The following DTD1 variants were observed in gnomAD, a reference collection of about 807,000 sequenced individuals.
The protein encoded by DTD1 is D-aminoacyl-tRNA deacylase 1.
In DTD1, 13 loss-of-function variants were observed where a neutral mutation model predicts 25.6. That is an observed-to-expected ratio of 0.51 (90% confidence interval 0.33 to 0.81). DTD1 has a LOEUF of 0.81. Ranked by LOEUF, DTD1 falls within the 30% of genes least tolerant of loss-of-function variation. The pLI is 0.02. For missense variants in DTD1, 193 were observed against 266.4 expected (o/e 0.72, Z 1.92); for synonymous variants, 110 against 103.6 (o/e 1.06, Z -0.37).
chr20:18,677,760 G>A (rs756251031), intron 4 of DTD1, among the ~76,000 whole-genome samples: 4 of 152,146 alleles, frequency 2.6e-5, no homozygotes, highest in African/African-American at 4.8e-5. Flanking sequence ...ACTAGGTCCC[G>A]AATTCCCTCT....
intron 1 of DTD1, among the ~76,000 whole-genome samples, chr20:18,591,525 T>C (rs6045486): frequency 0.59 from 90,160 of 151,962 alleles, 27,075 homozygotes; most frequent in Middle Eastern, 0.66. Flanking sequence ...TTATATGCAA[T>C]GTTATTATAG....
At chr20:18,735,483 A>T (rs1250837182) in intron 4 of DTD1, among the ~76,000 whole-genome samples, 1 of 152,226 alleles carries the variant, frequency 6.6e-6, no homozygotes. Flanking sequence ...GCGGGCTCTT[A>T]TTTAACTGAC....
intron 4 of DTD1, among the ~76,000 whole-genome samples, chr20:18,648,011 GT>G (rs2060856598): frequency 6.6e-6 from 1 of 152,188 alleles, no homozygotes; most frequent in Non-Finnish European, 1.5e-5. Context: ...CTGAATCACT[GT>G]TGGCCCTGCA....
chr20:18,655,037 A>G (rs912472420), intron 4 of DTD1, among the ~76,000 whole-genome samples: 1 of 152,224 alleles, frequency 6.6e-6, no homozygotes, highest in Non-Finnish European at 1.5e-5. Context: ...GTAGTTTGGA[A>G]TAAAGTTATT....
chr20:18,741,561 G>A (rs1336313387), intron 4 of DTD1, among the ~76,000 whole-genome samples: 3 of 152,076 alleles, frequency 2.0e-5, no homozygotes, highest in Non-Finnish European at 2.9e-5. Context: ...GTTAACTAGT[G>A]TATTGAAGTT....
chr20:18,718,775 C>CTAT (rs2061191551), intron 4 of DTD1, among the ~76,000 whole-genome samples: 1 of 152,174 alleles, frequency 6.6e-6, no homozygotes, highest in African/African-American at 2.4e-5. Flanking sequence ...AAGACACCAG[C>CTAT]TATTAGTTAG....
intron 5 of DTD1, 21 bp from the exon 6 acceptor site, chr20:18,763,337 CGT>C (rs1290629294): frequency 2.6e-5 from 4 of 152,642 alleles, no homozygotes; most frequent in African/African-American, 7.2e-5. Context: ...TTCTTAATAA[CGT>C]GTCTTCTTTG....
intron 4 of DTD1, among the ~76,000 whole-genome samples, chr20:18,650,957 A>G (rs1028734013): frequency 1.3e-5 from 2 of 152,236 alleles, no homozygotes; most frequent in African/African-American, 4.8e-5. Flanking sequence ...ATGTGTTACA[A>G]CGCTCTAGTA....
intron 4 of DTD1, among the ~76,000 whole-genome samples, chr20:18,742,032 C>G (rs1244386776): frequency 6.6e-6 from 1 of 151,978 alleles, no homozygotes; most frequent in Non-Finnish European, 1.5e-5. Flanking sequence ...GCCACCACCT[C>G]TGACCAAGAC....
rs778107166 is a variant in DTD1, at chr20:18,751,493, CT to C, written c.*19+7235del. 9.1e-3 allele frequency among the ~76,000 whole-genome samples: 1,312 copies of C among 144,620 alleles called. 9 individuals carry two copies. Among genetic ancestry groups the C allele is most frequent in the Non-Finnish European group, 0.013 (868 of 65,464 alleles). The allele number at this position is 144,620 out of a possible 152,430, so 94.9% of individuals were successfully genotyped here. On this transcript the variant is annotated intron_variant, in intron 5 of 5. Transcript: ENST00000377452. ...TGTCACTATCATTAACTTAAATAGT[CT>C]TTTTTTTTTTTTGAGGTGGAGTCTC...
chr20:18,660,579 C>T (rs1267566772), intron 4 of DTD1, among the ~76,000 whole-genome samples: 4 of 151,784 alleles, frequency 2.6e-5, no homozygotes, highest in Non-Finnish European at 5.9e-5. Flanking sequence ...AGAAAGAAAA[C>T]AAAAAGGCTT....
At chr20:18,616,228 C>CT (rs2060708575) in intron 3 of DTD1, among the ~76,000 whole-genome samples, 1 of 152,004 alleles carries the variant, frequency 6.6e-6, no homozygotes, top group East Asian at 1.9e-4. Context: ...TTCTCTCATT[C>CT]TTTCCTTTTC....
chr20:18,620,282 C>T (rs979543203), intron 3 of DTD1, among the ~76,000 whole-genome samples: 3 of 152,292 alleles, frequency 2.0e-5, no homozygotes, highest in South Asian at 2.1e-4. Flanking sequence ...TCTGGGTCCC[C>T]GTATTGGACA....
At chr20:18,701,921 T>C (rs2061106944) in intron 4 of DTD1, among the ~76,000 whole-genome samples, 1 of 152,250 alleles carries the variant, frequency 6.6e-6, no homozygotes, top group Non-Finnish European at 1.5e-5. Flanking sequence ...TTGGTTGATT[T>C]AAAGTATAAT....
intron 4 of DTD1, among the ~76,000 whole-genome samples, chr20:18,639,738 T>G (rs1164650537): frequency 6.6e-6 from 1 of 152,226 alleles, no homozygotes; most frequent in Non-Finnish European, 1.5e-5. Context: ...GAAGTCAATT[T>G]CTTTTTCTAT....
chr20:18,642,920 T>TTTTC lies in DTD1; in HGVS notation c.477+14690_477+14691insCTTT, dbSNP rs1442376649. On this transcript the variant is annotated intron_variant, in intron 4 of 5. Coordinates refer to ENST00000377452, the MANE Select transcript of DTD1 (RefSeq NM_080820.6). ...CAATTTCTTTCTTTCTTTTCTTTTC[T>TTTTC]TTTATTTTTTTTGAGACAGAGTTTC... 7.7e-4 allele frequency: 114 copies of TTTTC among 147,400 alleles called. 1 individual carries two copies. The highest frequency in any genetic ancestry group is 9.9e-4 in the Non-Finnish European group (67 of 67,456). 9.1% of individuals were successfully genotyped at this position (147,400 alleles called of 1,614,324 possible).
At chr20:18,738,121 T>A (rs73899878) in intron 4 of DTD1, among the ~76,000 whole-genome samples, 1 of 152,312 alleles carries the variant, frequency 6.6e-6, no homozygotes, top group African/African-American at 2.4e-5. Flanking sequence ...GCTGTGTCCT[T>A]GGCACCTAGA....
chr20:18,754,491 T>C (rs2061331726), intron 5 of DTD1, among the ~76,000 whole-genome samples: 1 of 152,212 alleles, frequency 6.6e-6, no homozygotes, highest in African/African-American at 2.4e-5. Flanking sequence ...CATCATCCCT[T>C]CAGTAGCTCT....
intron 4 of DTD1, among the ~76,000 whole-genome samples, chr20:18,653,888 A>G (rs763647226): frequency 5.3e-5 from 8 of 152,260 alleles, no homozygotes; most frequent in Non-Finnish European, 8.8e-5. Context: ...CATGACCCTC[A>G]CAGCCATCAT....
Sources: allele counts gnomAD v4.1 joint callset (sites outside exome capture counted in the v4.1 genomes callset), GRCh38; gene constraint gnomAD v4.1.1; transcripts MANE v1.5; gene names NCBI Gene and HGNC (gene_info 2026-07-23, HGNC 2026-07-21).